Variants in MPP4 observed in about 807,000 individuals in gnomAD.
MPP4 encodes the protein MAGUK p55 subfamily member 4.
A neutral mutation model predicts 98.3 loss-of-function variants in MPP4; 91 were observed. That is an observed-to-expected ratio of 0.93 (90% CI 0.78 to 1.10). The LOEUF (loss-of-function observed/expected upper bound fraction) is 1.10, where lower values mean the gene tolerates loss of function less well. Among genes scored for constraint, MPP4 ranks in the 50% least tolerant of loss-of-function variants. The pLI is 0.00. For synonymous variants in MPP4, 261 were observed against 271.8 expected, an observed-to-expected ratio of 0.96 and a Z score of 0.39; for missense variants, 744 against 792.9, an observed-to-expected ratio of 0.94 and a Z score of 0.74.
chr2:201,651,716 G>A (rs1258090303), intron 18 of MPP4: 69 of 889,822 alleles, frequency 7.8e-5, no homozygotes, highest in Non-Finnish European at 9.3e-5. Flanking sequence ...CACTTTGGGA[G>A]GCCAAGGCGG....
At chr2:201,661,310 C>T in intron 14 of MPP4, 2 of 424,078 alleles carry the variant, frequency 4.7e-6, no homozygotes, top group Non-Finnish European at 9.4e-6. Context: ...TCATACTATA[C>T]TTTATTCAGA....
At chr2:201,678,172 C>A (rs142591959) in intron 10 of MPP4, among the ~76,000 whole-genome samples, 10 of 152,146 alleles carry the variant, frequency 6.6e-5, no homozygotes, top group South Asian at 6.2e-4. Context: ...GTGTGCCCCC[C>A]CAAGAAACCC....
At chr2:201,690,904 G>A (rs1219583254) in intron 3 of MPP4, among the ~76,000 whole-genome samples, 1 of 152,196 alleles carries the variant, frequency 6.6e-6, no homozygotes, top group African/African-American at 2.4e-5. Context: ...GGTTTGGGCT[G>A]AGGACACCAA....
chr2:201,683,059 T>C, intron 7 of MPP4, 143 bp from the exon 8 acceptor site: 9 of 496,472 alleles, frequency 1.8e-5, no homozygotes, highest in South Asian at 7.6e-5. Context: ...AAAAGAAAGC[T>C]GGTTATTCCA....
At chr2:201,681,632 G>C in intron 8 of MPP4, 65 bp from the exon 9 acceptor site, 1 of 1,258,814 alleles carries the variant, frequency 7.9e-7, no homozygotes, top group Non-Finnish European at 1.2e-6. Context: ...GGGCTCGGTG[G>C]ACAGAGTTAC....
chr2:201,669,035 G>A (rs1285910650), intron 12 of MPP4, among the ~76,000 whole-genome samples: 2 of 152,008 alleles, frequency 1.3e-5, no homozygotes, highest in African/African-American at 4.8e-5. Context: ...TGTGGTTGGT[G>A]GCTAAGGGGA....
intron 12 of MPP4, among the ~76,000 whole-genome samples, chr2:201,668,362 T>A (rs990427010): frequency 1.3e-5 from 2 of 152,156 alleles, no homozygotes; most frequent in African/African-American, 4.8e-5. Flanking sequence ...TAAGGTTAAA[T>A]GAGGTCATAC....
chr2:201,696,773 T>C (rs1192841552), intron 1 of MPP4, among the ~76,000 whole-genome samples: 2 of 152,234 alleles, frequency 1.3e-5, no homozygotes, highest in Non-Finnish European at 2.9e-5. Flanking sequence ...ACTTCAGGGC[T>C]ACCTAGATAA....
intron 10 of MPP4, among the ~76,000 whole-genome samples, chr2:201,677,541 A>AC (rs1158876429): frequency 5.9e-5 from 9 of 152,130 alleles, no homozygotes; most frequent in Non-Finnish European, 1.0e-4. Flanking sequence ...ACCAAAACAA[A>AC]ACCCCCCCAG....
chr2:201,668,919 C>G (rs1045919721), intron 12 of MPP4, among the ~76,000 whole-genome samples: 5 of 152,092 alleles, frequency 3.3e-5, no homozygotes, highest in Non-Finnish European at 5.9e-5. Context: ...TGTCATACAC[C>G]TTTTTTGTTT....
chr2:201,697,389 A>C (rs1414092232), intron 1 of MPP4, among the ~76,000 whole-genome samples: 1 of 151,998 alleles, frequency 6.6e-6, no homozygotes, highest in African/African-American at 2.4e-5. Flanking sequence ...AGCACTTCTC[A>C]TTTTCCCAGT....
chr2:201,679,260 A>G (rs1351832578), intron 10 of MPP4, among the ~76,000 whole-genome samples: 2 of 152,084 alleles, frequency 1.3e-5, no homozygotes, highest in Non-Finnish European at 2.9e-5. Flanking sequence ...TTGCTGTTAA[A>G]TCCAACCCTC....
Position 201,680,981 on chromosome 2 carries a change from G to A in MPP4, c.786C>T (p.Pro262=), listed in dbSNP as rs749333413. Residue 262 remains proline (P), a synonymous_variant, in exon 10 of 22, where the codon CCC becomes CCT. Coordinates refer to ENST00000409474, the MANE Select transcript of MPP4 (RefSeq NM_033066.3). ...EYWPQEDPDI[P]CMDAGLPFQK... ...GGAAAGGCAATCCAGCGTCCATGCA[G>A]GGGATGTCGGGATCCTCCTGGGGCC... The A allele has an allele frequency of 1.2e-6, 2 of 1,613,918 alleles. No homozygotes were observed. Among genetic ancestry groups the A allele is most frequent in the Non-Finnish European group, 1.7e-6 (2 of 1,179,876 alleles).
chr2:201,687,463 A>T, intron 4 of MPP4, 92 bp from the exon 5 acceptor site: 1 of 908,198 alleles, frequency 1.1e-6, no homozygotes, highest in East Asian at 2.6e-5. Flanking sequence ...ACATACTAAC[A>T]TGATATTGAC....
intron 10 of MPP4, among the ~76,000 whole-genome samples, chr2:201,676,485 C>T (rs113496635): frequency 3.2e-4 from 49 of 152,254 alleles, no homozygotes; most frequent in African/African-American, 1.1e-3. Context: ...CATTTGGCAT[C>T]GTGAGGACTA....
intron 19 of MPP4, 59 bp downstream of exon 19, chr2:201,650,013 A>G: frequency 1.4e-6 from 2 of 1,433,032 alleles, no homozygotes; most frequent in Non-Finnish European, 1.9e-6. Context: ...AAAATAGGGA[A>G]TCTATTTCAA....
chr2:201,658,096 C>T (rs1422417935), intron 16 of MPP4, among the ~76,000 whole-genome samples: 1 of 151,894 alleles, frequency 6.6e-6, no homozygotes, highest in Non-Finnish European at 1.5e-5. Flanking sequence ...AGCGGTTTTA[C>T]ATGAGTGGTA....
intron 8 of MPP4, among the ~76,000 whole-genome samples, chr2:201,681,834 T>C (rs62193401): frequency 0.073 from 10,064 of 137,294 alleles, 441 homozygotes; most frequent in East Asian, 0.27. Flanking sequence ...CCCCCCACCC[T>C]ACACTGAAAC....
At chr2:201,648,282 C>A (rs1010054494) in intron 20 of MPP4, among the ~76,000 whole-genome samples, 2 of 152,158 alleles carry the variant, frequency 1.3e-5, no homozygotes, top group African/African-American at 4.8e-5. Flanking sequence ...CTCGGCTTTC[C>A]AAGGGATTAT....
Sources: allele counts gnomAD v4.1 joint callset (sites outside exome capture counted in the v4.1 genomes callset), GRCh38; gene constraint gnomAD v4.1.1; transcripts MANE v1.5; gene names NCBI Gene and HGNC (gene_info 2026-07-23, HGNC 2026-07-21).